KCNMA1: variants seen among roughly 807,000 people sequenced by gnomAD.
KCNMA1 encodes the protein Calcium-activated potassium channel subunit alpha-1.
A neutral mutation model predicts 140.0 loss-of-function variants in KCNMA1; 29 were observed. That is an observed-to-expected ratio of 0.21 (90% CI 0.15 to 0.28). KCNMA1 has a LOEUF of 0.28. Among genes scored for constraint, KCNMA1 ranks in the 10% least tolerant of loss-of-function variants. KCNMA1 has a pLI of 1.00. For synonymous variants in KCNMA1, 612 were observed against 611.9 expected (o/e 1.00, Z 0.00); for missense variants, 880 against 1,602.2 (o/e 0.55, Z 7.70).
chr10:77,304,068 T>C (rs1245165996), intron 2 of KCNMA1, among the ~76,000 whole-genome samples: 1 of 152,166 alleles, frequency 6.6e-6, no homozygotes, highest in Non-Finnish European at 1.5e-5. Flanking sequence ...AGGAATTGTG[T>C]TGATGGGCCA....
chr10:77,268,557 G>A (rs2064061972), intron 2 of KCNMA1, among the ~76,000 whole-genome samples: 1 of 152,126 alleles, frequency 6.6e-6, no homozygotes, highest in South Asian at 2.1e-4. Flanking sequence ...GGGATCTCTA[G>A]ATTTCAGATC....
intron 5 of KCNMA1, among the ~76,000 whole-genome samples, chr10:77,151,795 T>C (rs1258082997): frequency 2.0e-5 from 3 of 152,222 alleles, no homozygotes; most frequent in Non-Finnish European, 4.4e-5. Context: ...TAAATGCTAA[T>C]TGCAACTCAC....
chr10:77,320,986 C>T (rs1169318185), intron 2 of KCNMA1, among the ~76,000 whole-genome samples: 4 of 152,216 alleles, frequency 2.6e-5, no homozygotes, highest in African/African-American at 9.6e-5. Flanking sequence ...GTTCATCTCC[C>T]TCATTCACAT....
At chr10:77,432,759 C>T (rs1033802414) in intron 1 of KCNMA1, among the ~76,000 whole-genome samples, 3 of 152,166 alleles carry the variant, frequency 2.0e-5, no homozygotes, top group African/African-American at 7.2e-5. Context: ...AAAAAAACAA[C>T]AACAAATCAT....
chr10:77,426,707 CCAGT>C (rs2097005431), intron 1 of KCNMA1, among the ~76,000 whole-genome samples: 1 of 152,214 alleles, frequency 6.6e-6, no homozygotes, highest in Non-Finnish European at 1.5e-5. Context: ...CTTCATAGAG[CCAGT>C]CAGAGTGAGT....
intron 25 of KCNMA1, 58 bp downstream of exon 25, chr10:76,909,908 G>T: frequency 6.3e-7 from 1 of 1,588,156 alleles, no homozygotes; most frequent in Non-Finnish European, 8.6e-7. Context: ...AAGGTTGGAG[G>T]TGCTCTATTG....
intron 3 of KCNMA1, among the ~76,000 whole-genome samples, chr10:77,187,272 G>A (rs2154132216): frequency 6.6e-6 from 1 of 152,318 alleles, no homozygotes; most frequent in African/African-American, 2.4e-5. Context: ...GTATTGAGAA[G>A]AGCATAAGGA....
At chr10:76,998,410 C>T (rs1378688457) in intron 19 of KCNMA1, among the ~76,000 whole-genome samples, 3 of 152,094 alleles carry the variant, frequency 2.0e-5, no homozygotes, top group African/African-American at 7.2e-5. Flanking sequence ...CACACTGGCT[C>T]AACTGGGAAA....
rs537863512 is a variant in KCNMA1, at chr10:76,996,508, G to T, written c.2266+4899C>A. Among the ~76,000 whole-genome samples the T allele has an allele frequency of 2.0e-5, 3 of 152,232 alleles. No homozygotes were observed. In the East Asian group the frequency reaches 5.8e-4, roughly 29 times the overall value. Reference sequence around the variant, plus strand: ...TTACTTCCTGCAATGAAGTACAAAGGGTCAAATCAAGACGCATGGGCCAGG... The same window carrying T: ...TTACTTCCTGCAATGAAGTACAAAGTGTCAAATCAAGACGCATGGGCCAGG... On this transcript the variant is annotated intron_variant, in intron 19 of 27. Transcript: ENST00000286628.
chr10:77,573,058 C>G (rs1018558415), intron 1 of KCNMA1, among the ~76,000 whole-genome samples: 3 of 152,182 alleles, frequency 2.0e-5, no homozygotes, highest in African/African-American at 7.2e-5. Context: ...AAAACACTCA[C>G]TTTTCAGAGT....
intron 1 of KCNMA1, among the ~76,000 whole-genome samples, chr10:77,484,334 AGAAG>A (rs915033676): frequency 2.6e-5 from 4 of 152,240 alleles, no homozygotes; most frequent in Admixed American, 1.3e-4. Context: ...AGCTACTGAA[AGAAG>A]GAAGGAGAAA....
intron 1 of KCNMA1, among the ~76,000 whole-genome samples, chr10:77,525,802 C>G (rs1441435445): frequency 6.6e-6 from 1 of 152,178 alleles, no homozygotes; most frequent in Non-Finnish European, 1.5e-5. Flanking sequence ...TAACATGGCC[C>G]CATCTTGTCC....
intron 1 of KCNMA1, among the ~76,000 whole-genome samples, chr10:77,520,178 G>GTGCAGTGTGAGGTCCC (rs2052643089): frequency 2.8e-4 from 1 of 3,588 alleles, no homozygotes; most frequent in East Asian, 8.9e-3. Context: ...TGTGAGGGCT[G>GTGCAGTGTGAGGTCCC]GGGTATGCAG....
intron 3 of KCNMA1, among the ~76,000 whole-genome samples, chr10:77,222,488 G>T (rs559230238): frequency 1.3e-5 from 2 of 152,180 alleles, no homozygotes; most frequent in Non-Finnish European, 2.9e-5. Context: ...CAGGAAGCCC[G>T]CATAGCCAGA....
At chr10:77,074,898 G>A (rs1347841638) in intron 13 of KCNMA1, among the ~76,000 whole-genome samples, 1 of 152,176 alleles carries the variant, frequency 6.6e-6, no homozygotes, top group African/African-American at 2.4e-5. Flanking sequence ...GGAGCACCAA[G>A]GGAGCATTCC....
intron 1 of KCNMA1, among the ~76,000 whole-genome samples, chr10:77,560,302 A>G (rs1040935774): frequency 6.6e-6 from 1 of 152,384 alleles, no homozygotes; most frequent in Middle Eastern, 3.4e-3. Flanking sequence ...CAGAAAACAG[A>G]GTACTGCATA....
At chr10:77,511,899 G>A (rs965647499) in intron 1 of KCNMA1, among the ~76,000 whole-genome samples, 1 of 152,190 alleles carries the variant, frequency 6.6e-6, no homozygotes, top group Non-Finnish European at 1.5e-5. Context: ...TAGCCTGAGA[G>A]AAGCTAACTT....
chr10:77,474,247 A>G (rs563776142), intron 1 of KCNMA1, among the ~76,000 whole-genome samples: 1 of 152,176 alleles, frequency 6.6e-6, no homozygotes, highest in African/African-American at 2.4e-5. Flanking sequence ...GCAAATCCAC[A>G]TGTTCATATC....
Position 76,969,975 on chromosome 10 carries a change from T to C in KCNMA1, c.2359A>G (p.Arg787Gly), listed in dbSNP as rs200626923. 8.7e-6 allele frequency: 14 copies of C among 1,612,318 alleles called. No homozygotes were observed. Among genetic ancestry groups the C allele is most frequent in the Non-Finnish European group, 1.2e-5 (14 of 1,178,994 alleles). ...NSPNTSPKLM[R>G]HDPLLIPGND... ...TGGGCAACCAGCCCCTCTCCTTACC[T>C]CATCAGCTTAGGCGAGGTGTTGGGT... Residue 787 changes from arginine (R) to glycine (G), a missense_variant and splice_region_variant, in exon 20 of 28, where the codon AGG becomes GGG. By Grantham distance (125) the Arg-to-Gly change is moderately radical. Coordinates refer to ENST00000286628, the MANE Select transcript of KCNMA1 (RefSeq NM_001161352.2).
Sources: gnomAD v4.1 joint callset for allele counts (sites outside exome capture counted in the v4.1 genomes callset) on GRCh38, gnomAD v4.1.1 for gene constraint, MANE v1.5 for transcripts, NCBI Gene and HGNC (gene_info 2026-07-23, HGNC 2026-07-21) for gene names.